Variants in VPS37A observed in about 807,000 individuals in gnomAD.
VPS37A encodes the protein vacuolar protein sorting-associated protein 37A.
In VPS37A, 30 loss-of-function variants were observed where a neutral mutation model predicts 49.8. The ratio of observed to expected loss-of-function variants is 0.60; its 90% confidence interval spans 0.45 to 0.82. VPS37A has a LOEUF of 0.82. Ranked by LOEUF, VPS37A falls within the 40% of genes least tolerant of loss-of-function variation. The probability of loss-of-function intolerance (pLI) is 0.00; values close to 1 mark genes in which losing one functional copy is unlikely to be tolerated. For missense variants in VPS37A, 593 were observed against 464.4 expected, an observed-to-expected ratio of 1.28 and a Z score of -2.55; for synonymous variants, 195 against 160.6, an observed-to-expected ratio of 1.21 and a Z score of -1.62.
At chr8:17,272,372 G>C (rs374311755) in intron 4 of VPS37A, among the ~76,000 whole-genome samples, 1 of 152,042 alleles carries the variant, frequency 6.6e-6, no homozygotes, top group East Asian at 1.9e-4. Flanking sequence ...CTAGAGTCCT[G>C]AGTCCTTATT....
rs1816563768 is a variant in VPS37A, at chr8:17,295,646, A to G, written c.*660A>G. On this transcript the variant is annotated 3_prime_UTR_variant, in exon 12 of 12. Coordinates refer to ENST00000324849, the MANE Select transcript of VPS37A (RefSeq NM_152415.3). ...AAATATTTTACCTAATAGGAAAAAAAAAAGTTGCCTTTCATTTAAACCATT... is the reference window on the plus strand; with the variant it reads ...AAATATTTTACCTAATAGGAAAAAAGAAAGTTGCCTTTCATTTAAACCATT... The G allele has an allele frequency of 6.6e-6, 1 of 152,554 alleles. No individual in the cohort carries two copies. The highest frequency in any genetic ancestry group is 1.5e-5 in the Non-Finnish European group (1 of 68,020). The allele number at this position is 152,554 out of a possible 1,614,324, so 9.5% of individuals were successfully genotyped here. A position where few individuals can be genotyped will look rare whatever the true frequency, so the allele number is the denominator to read the frequency against.
chr8:17,251,134 G>C (rs935424617), intron 1 of VPS37A, among the ~76,000 whole-genome samples: 4 of 152,134 alleles, frequency 2.6e-5, no homozygotes, highest in African/African-American at 4.8e-5. Flanking sequence ...CTCCACTAGA[G>C]GTGAATAAGG....
At chr8:17,254,890 TTGTC>T (rs1314596094) in intron 1 of VPS37A, among the ~76,000 whole-genome samples, 1 of 152,226 alleles carries the variant, frequency 6.6e-6, no homozygotes, top group African/African-American at 2.4e-5. Flanking sequence ...GATAGGATGT[TTGTC>T]TGTCTGTTCT....
chr8:17,317,834 A>G, the VPS37A span, among the ~76,000 whole-genome samples: 1 of 152,150 alleles, frequency 6.6e-6, no homozygotes, highest in South Asian at 2.1e-4. Flanking sequence ...CTTATCACTC[A>G]TCCATTTATT....
intron 10 of VPS37A, among the ~76,000 whole-genome samples, chr8:17,285,314 A>C (rs376048150): frequency 6.6e-6 from 1 of 152,224 alleles, no homozygotes; most frequent in East Asian, 1.9e-4. Context: ...CTAATAGTTG[A>C]AATAGACTCC....
At chr8:17,303,207 T>C (rs1030354815), downstream of VPS37A, among the ~76,000 whole-genome samples, 19 of 152,302 alleles carry the variant, frequency 1.2e-4, no homozygotes, top group African/African-American at 4.6e-4. Context: ...ATGTGTTGAC[T>C]AGCTGTTAAT....
At chr8:17,253,200 C>G (rs1812134377) in intron 1 of VPS37A, among the ~76,000 whole-genome samples, 1 of 152,186 alleles carries the variant, frequency 6.6e-6, no homozygotes, top group Non-Finnish European at 1.5e-5. Flanking sequence ...AACCTGAACT[C>G]CTTCCAAACC....
chr8:17,265,810 A>T (rs1813396831), intron 1 of VPS37A, 97 bp from the exon 2 acceptor site: 1 of 1,593,102 alleles, frequency 6.3e-7, no homozygotes, highest in Non-Finnish European at 8.6e-7. Flanking sequence ...GTGATTAAAA[A>T]TAAAGGTAGT....
In VPS37A at chr8:17,247,002, C is replaced by A; in HGVS notation, c.-243C>A. 1 of 543,754 alleles carries A rather than the reference C, an allele frequency of 1.8e-6. No individual in the cohort carries two copies. The highest frequency in any genetic ancestry group is 3.3e-6 in the Non-Finnish European group (1 of 307,004). 33.7% of individuals were successfully genotyped at this position (543,754 alleles called of 1,614,324 possible). On this transcript the variant is annotated 5_prime_UTR_variant, in exon 1 of 12. Transcript: ENST00000324849. Reference sequence around the variant, plus strand: ...TGGCTGGCCGGTTTGGGCGTCTGGGCCGTGAAGGTGGGACCTCCTGTTCCG... The same window carrying A: ...TGGCTGGCCGGTTTGGGCGTCTGGGACGTGAAGGTGGGACCTCCTGTTCCG...
chr8:17,314,493 T>G, the VPS37A span, among the ~76,000 whole-genome samples: 2 of 152,168 alleles, frequency 1.3e-5, no homozygotes, highest in African/African-American at 4.8e-5. Context: ...TGTGAACTCT[T>G]TGAAAGCACT....
At chr8:17,299,935 C>T (rs773871525), downstream of VPS37A, 6 of 1,614,146 alleles carry the variant, frequency 3.7e-6, no homozygotes, top group South Asian at 4.4e-5. Context: ...ATGCTCACCA[C>T]CACTTGGAGA....
chr8:17,317,870 A>G, the VPS37A span, among the ~76,000 whole-genome samples: 2 of 151,888 alleles, frequency 1.3e-5, no homozygotes, highest in South Asian at 2.1e-4. Context: ...TTTTGTTTCC[A>G]TGACCTCCTC....
chr8:17,309,850 T>G, the VPS37A span, among the ~76,000 whole-genome samples: 1 of 152,168 alleles, frequency 6.6e-6, no homozygotes, highest in African/African-American at 2.4e-5. Flanking sequence ...TTTCTACACA[T>G]TATAAGAATT....
At chr8:17,277,346 C>G (rs1360861264) in intron 6 of VPS37A, among the ~76,000 whole-genome samples, 1 of 151,914 alleles carries the variant, frequency 6.6e-6, no homozygotes, top group Non-Finnish European at 1.5e-5. Context: ...GGTAGGAGTT[C>G]TCATTTAATA....
At chr8:17,327,347 T>G in the VPS37A span, among the ~76,000 whole-genome samples, 1 of 152,230 alleles carries the variant, frequency 6.6e-6, no homozygotes, top group Non-Finnish European at 1.5e-5. Context: ...CATGGCTTAC[T>G]GCAGCCTCAA....
intron 10 of VPS37A, among the ~76,000 whole-genome samples, chr8:17,285,877 G>C (rs1420000863): frequency 6.6e-6 from 1 of 152,198 alleles, no homozygotes; most frequent in Non-Finnish European, 1.5e-5. Flanking sequence ...CTAGAAGCTT[G>C]TAGGCGAAGG....
the VPS37A span, among the ~76,000 whole-genome samples, chr8:17,318,696 T>C: frequency 6.6e-6 from 1 of 152,170 alleles, no homozygotes; most frequent in Admixed American, 6.5e-5. Context: ...GTATTGTGCA[T>C]GTTTGGAAGG....
At chr8:17,291,483 G>C (rs556539081) in intron 11 of VPS37A, among the ~76,000 whole-genome samples, 1 of 122,000 alleles carries the variant, frequency 8.2e-6, no homozygotes, top group African/African-American at 3.2e-5. Context: ...TTTAAGTTCT[G>C]CTCTGATCTT....
the VPS37A span, among the ~76,000 whole-genome samples, chr8:17,326,046 A>G: frequency 6.6e-6 from 1 of 152,216 alleles, no homozygotes; most frequent in Non-Finnish European, 1.5e-5. Flanking sequence ...ATTGCTTTAC[A>G]AATACAGAAA....
Sources: gnomAD v4.1 joint callset for allele counts (sites outside exome capture counted in the v4.1 genomes callset) on GRCh38, gnomAD v4.1.1 for gene constraint, MANE v1.5 for transcripts, NCBI Gene and HGNC (gene_info 2026-07-23, HGNC 2026-07-21) for gene names.